The following CDKL2 variants were observed in gnomAD, a reference collection of about 807,000 sequenced individuals.
The protein encoded by CDKL2 is cyclin-dependent kinase-like 2.
In CDKL2, 64 loss-of-function variants were observed where a neutral mutation model predicts 63.9. The ratio of observed to expected loss-of-function variants is 1.00; its 90% CI spans 0.82 to 1.23. CDKL2 has a LOEUF of 1.23. Ranked by LOEUF, CDKL2 falls within the 50% of genes most tolerant of loss-of-function variation. CDKL2 has a pLI of 0.00. For missense variants in CDKL2, 656 were observed against 668.0 expected (o/e 0.98, Z 0.20); for synonymous variants, 211 against 229.2 (o/e 0.92, Z 0.72).
chr4:75,618,403 C>T (rs905659496), intron 2 of CDKL2, among the ~76,000 whole-genome samples: 8 of 151,178 alleles, frequency 5.3e-5, no homozygotes, highest in African/African-American at 1.9e-4. Context: ...TACAGACATG[C>T]GCCACCATGC....
In CDKL2 at chr4:75,625,945, T is replaced by C; in HGVS notation, c.44A>G (p.Tyr15Cys). ...ATTCCTACACTTCATCACCATTCCATAACTCCCTTCTCCAACCAAACCCAG... is the reference window on the plus strand; with the variant it reads ...ATTCCTACACTTCATCACCATTCCACAACTCCCTTCTCCAACCAAACCCAG... Reference protein sequence around the residue: ...ENLGLVGEGSYGMVMKCRNKD... With the variant: ...ENLGLVGEGSCGMVMKCRNKD... Residue 15 changes from tyrosine (Y) to cysteine (C), a missense_variant, in exon 2 of 14, where the codon TAT becomes TGT. Transcript: ENST00000307465. 1 of 1,612,454 alleles carries C rather than the reference T, an allele frequency of 6.2e-7. No individual in the cohort carries two copies. The highest frequency in any genetic ancestry group is 1.1e-5 in the South Asian group (1 of 90,418).
rs983170379 is a variant in CDKL2, at chr4:75,607,812, GA to G, written c.364-452del. 7.3e-4 allele frequency among the ~76,000 whole-genome samples: 111 copies of G among 151,670 alleles called. 1 individual carries two copies. Among genetic ancestry groups the G allele is most frequent in the African/African-American group, 2.5e-3 (102 of 41,384 alleles). On this transcript the variant is annotated intron_variant, in intron 3 of 13. Transcript: ENST00000307465. ...ATGGGGATAGATAAGAGATTGTGGG[GA>G]AAAAAAAATTTTTTTTTGAGACGGA...
intron 2 of CDKL2, among the ~76,000 whole-genome samples, chr4:75,620,340 GA>G (rs1353392031): frequency 1.3e-5 from 2 of 152,200 alleles, no homozygotes; most frequent in South Asian, 4.1e-4. Flanking sequence ...AATGACTTCA[GA>G]TATTGTAATT....
At chr4:75,623,599 A>G (rs1377028715) in intron 2 of CDKL2, among the ~76,000 whole-genome samples, 5 of 152,230 alleles carry the variant, frequency 3.3e-5, no homozygotes, top group East Asian at 3.8e-4. Flanking sequence ...TTTCCAAGTT[A>G]TTAGAAAAAA....
chr4:75,620,248 T>C (rs1337631142), intron 2 of CDKL2, among the ~76,000 whole-genome samples: 1 of 151,992 alleles, frequency 6.6e-6, no homozygotes, highest in African/African-American at 2.4e-5. Context: ...CAGCACAAAA[T>C]TGAAGATAAG....
chr4:75,603,711 T>C (rs7666551), intron 6 of CDKL2, 106 bp downstream of exon 6: 48,769 of 541,930 alleles, frequency 0.09, 2,829 homozygotes, highest in African/African-American at 0.38. Flanking sequence ...CAAGACTCCA[T>C]CAAAAAAAAA....
intron 2 of CDKL2, among the ~76,000 whole-genome samples, 185 bp downstream of exon 2, chr4:75,625,636 A>T (rs1223860623): frequency 1.3e-5 from 2 of 152,222 alleles, no homozygotes; most frequent in Non-Finnish European, 2.9e-5. Flanking sequence ...GACTCCTAAC[A>T]CAGACTATAG....
At chr4:75,599,548 CAAAAAAA>C (rs71657365) in intron 7 of CDKL2, among the ~76,000 whole-genome samples, 19 of 69,654 alleles carry the variant, frequency 2.7e-4, no homozygotes, top group Non-Finnish European at 2.8e-4. Flanking sequence ...GCAACAAGAG[CAAAAAAA>C]AAAAAAAAAA....
chr4:75,599,179 G>A (rs999963458), intron 7 of CDKL2, among the ~76,000 whole-genome samples: 1 of 152,118 alleles, frequency 6.6e-6, no homozygotes, highest in Non-Finnish European at 1.5e-5. Context: ...CCATTAAAAA[G>A]GCAAGACAGA....
intron 10 of CDKL2, 72 bp from the exon 11 acceptor site, chr4:75,592,341 T>G: frequency 7.7e-7 from 1 of 1,294,224 alleles, no homozygotes; most frequent in Non-Finnish European, 1.0e-6. Flanking sequence ...CTTCTGTAAC[T>G]CCTATGTTCA....
intron 3 of CDKL2, among the ~76,000 whole-genome samples, chr4:75,613,828 G>A (rs1729807615): frequency 6.6e-6 from 1 of 152,202 alleles, no homozygotes; most frequent in Admixed American, 6.5e-5. Flanking sequence ...GGCCAAGGCA[G>A]GCAGATCACC....
At chr4:75,579,884 T>A (rs1037044683) in intron 13 of CDKL2, among the ~76,000 whole-genome samples, 1 of 152,174 alleles carries the variant, frequency 6.6e-6, no homozygotes, top group Non-Finnish European at 1.5e-5. Context: ...AAATGAAAGA[T>A]CAAAACTTAA....
At chr4:75,613,192 C>G (rs1729781976) in intron 3 of CDKL2, among the ~76,000 whole-genome samples, 1 of 151,894 alleles carries the variant, frequency 6.6e-6, no homozygotes, top group Admixed American at 6.6e-5. Flanking sequence ...GGAAGGCCTC[C>G]TAAAAAAGGG....
At chr4:75,600,217 G>T in intron 7 of CDKL2, 64 bp downstream of exon 7, 1 of 1,009,410 alleles carries the variant, frequency 9.9e-7, no homozygotes, top group Non-Finnish European at 1.5e-6. Flanking sequence ...TGCTATTTGT[G>T]ACTATTGTGG....
At chr4:75,616,725 A>G (rs1729944159) in intron 2 of CDKL2, among the ~76,000 whole-genome samples, 1 of 140,448 alleles carries the variant, frequency 7.1e-6, no homozygotes, top group Non-Finnish European at 1.5e-5. Flanking sequence ...AAAGGAATTC[A>G]AATATCATAT....
At chr4:75,606,095 T>C (rs569360088) in intron 4 of CDKL2, among the ~76,000 whole-genome samples, 2 of 152,180 alleles carry the variant, frequency 1.3e-5, no homozygotes, top group South Asian at 2.1e-4. Context: ...CGCATAACTC[T>C]AGCAAGCTTG....
In CDKL2 at chr4:75,614,275, C is replaced by T; in HGVS notation, c.343G>A (p.Gly115Arg). The T allele has an allele frequency of 6.2e-7, 1 of 1,604,274 alleles. No homozygotes were observed. The highest frequency in any genetic ancestry group is 1.1e-5 in the South Asian group (1 of 88,706). Residue 115 changes from glycine (G) to arginine (R), a missense_variant, in exon 3 of 14, where the codon GGA (glycine) becomes AGA (arginine). Gly to Arg is a moderately radical substitution (Grantham distance 125). Coordinates refer to ENST00000307465, the MANE Select transcript of CDKL2 (RefSeq NM_001330724.2). The stretch of plus-strand genomic sequence containing the variant: ...CTTACATTGTGACTGTGACAAAATC[C>T]AATTCCATTAATAATCTGAAACAAA... The part of the protein sequence containing the change: ...KYLFQIINGI[G>R]FCHSHNIIHR...
chr4:75,582,597 A>C (rs1728309879), intron 12 of CDKL2, among the ~76,000 whole-genome samples: 1 of 152,166 alleles, frequency 6.6e-6, no homozygotes, highest in African/African-American at 2.4e-5. Context: ...AGGAGAGGTG[A>C]GAGATTATGG....
At position 75,624,984 on chromosome 4, in the gene CDKL2, TA is replaced by T. The variant is rs1477971450; in HGVS notation, c.168+836del. Among the ~76,000 whole-genome samples, 3 of 152,202 alleles carry T rather than the reference TA, an allele frequency of 2.0e-5. 1 individual carries two copies. The highest frequency in any genetic ancestry group is 2.0e-4 in the Admixed American group (3 of 15,282). Reference sequence around the variant, plus strand: ...ACACTAATAATACTGTTTCTGTTTATAAAAATAAACATTAACTGAACTACAA... The same window carrying T: ...ACACTAATAATACTGTTTCTGTTTATAAAATAAACATTAACTGAACTACAA... On this transcript the variant is annotated intron_variant, in intron 2 of 13. Coordinates refer to ENST00000307465, the MANE Select transcript of CDKL2 (RefSeq NM_001330724.2).
Sources: gnomAD v4.1 joint callset for allele counts (sites outside exome capture counted in the v4.1 genomes callset) on GRCh38, gnomAD v4.1.1 for gene constraint, MANE v1.5 for transcripts, NCBI Gene and HGNC (gene_info 2026-07-23, HGNC 2026-07-21) for gene names.